The following BARD1 variants were observed in gnomAD, a reference collection of about 807,000 sequenced individuals.
BARD1 encodes the protein BRCA1-associated RING domain protein 1.
In BARD1, 73 loss-of-function variants were observed where a neutral mutation model predicts 77.0. The ratio of observed to expected loss-of-function variants is 0.95; its 90% CI spans 0.79 to 1.15. The LOEUF is 1.15. Ranked by LOEUF, BARD1 falls within the 50% of genes most tolerant of loss-of-function variation. The probability of loss-of-function intolerance (pLI) is 0.00; values close to 1 mark genes in which losing one functional copy is unlikely to be tolerated. For missense variants in BARD1, 993 were observed against 938.8 expected, an observed-to-expected ratio of 1.06 and a Z score of -0.75; for synonymous variants, 384 against 338.0, an observed-to-expected ratio of 1.14 and a Z score of -1.49.
intron 7 of BARD1, among the ~76,000 whole-genome samples, chr2:214,751,111 GTGTGTGTATATA>G (rs1193054499): frequency 0.011 from 177 of 16,832 alleles, no homozygotes; most frequent in South Asian, 0.017. Context: ...GTGTGTGTGT[GTGTGTGTATATA>G]TATATATATA....
At chr2:214,729,665 A>T (rs1237988637) in intron 10 of BARD1, among the ~76,000 whole-genome samples, 1 of 152,214 alleles carries the variant, frequency 6.6e-6, no homozygotes, top group Non-Finnish European at 1.5e-5. Context: ...TTTTTTCATC[A>T]GGATGTTTAT....
intron 9 of BARD1, among the ~76,000 whole-genome samples, chr2:214,732,404 T>G (rs1244942919): frequency 2.0e-5 from 3 of 151,958 alleles, no homozygotes; most frequent in African/African-American, 7.2e-5. Flanking sequence ...TTTCTTTTTT[T>G]TTTTTTTCTG....
intron 1 of BARD1, among the ~76,000 whole-genome samples, chr2:214,802,020 G>A (rs1553626739): frequency 1.3e-5 from 2 of 152,022 alleles, no homozygotes; most frequent in Non-Finnish European, 2.9e-5. Flanking sequence ...CACCATACCT[G>A]GCTAATTTTT....
intron 3 of BARD1, among the ~76,000 whole-genome samples, chr2:214,788,515 C>T (rs946080520): frequency 1.3e-5 from 2 of 152,010 alleles, no homozygotes; most frequent in African/African-American, 4.8e-5. Context: ...CAAGTTCTTC[C>T]TAATTGCCCA....
chr2:214,778,223 A>G (rs1163722890), intron 4 of BARD1, among the ~76,000 whole-genome samples: 1 of 134,192 alleles, frequency 7.5e-6, no homozygotes, highest in Non-Finnish European at 1.6e-5. Flanking sequence ...CCCAAAAAAG[A>G]AAAAAATATA....
chr2:214,779,285 A>T (rs1386679202), intron 4 of BARD1, among the ~76,000 whole-genome samples: 4 of 152,214 alleles, frequency 2.6e-5, no homozygotes, highest in Non-Finnish European at 5.9e-5. Context: ...TGTATTTGCA[A>T]ATAACCTACA....
In BARD1 at chr2:214,728,281, T is replaced by TAAAAAAAA; in HGVS notation, c.*387_*394dup. On this transcript the variant is annotated 3_prime_UTR_variant, in exon 11 of 11. Coordinates refer to ENST00000260947, the MANE Select transcript of BARD1 (RefSeq NM_000465.4). ...AATTGTTTGATAATATTCTGTTTAC[T>TAAAAAAAA]AAAAAAAAAAAAAAAAAAAAGGCAA... 1 of 149,032 alleles carries TAAAAAAAA rather than the reference T, an allele frequency of 6.7e-6. No homozygotes were observed. Among genetic ancestry groups the TAAAAAAAA allele is most frequent in the Non-Finnish European group, 1.3e-5 (1 of 78,718 alleles). The allele number at this position is 149,032 out of a possible 1,614,324, so 9.2% of individuals were successfully genotyped here. A position where few individuals can be genotyped will look rare whatever the true frequency, so the allele number is the denominator to read the frequency against.
In BARD1 at chr2:214,809,224, C is replaced by A. The variant is rs71579843; in HGVS notation, c.158+188G>T. 0.022 allele frequency among the ~76,000 whole-genome samples: 3,361 copies of A among 152,240 alleles called. 51 individuals carry two copies. The highest frequency in any genetic ancestry group is 0.035 in the South Asian group (171 of 4,824). On this transcript the variant is annotated intron_variant, in intron 1 of 10. Coordinates refer to ENST00000260947, the MANE Select transcript of BARD1 (RefSeq NM_000465.4). ...GGGCAAGGGGAGGCCGGTAAGTCGC[C>A]CAAAAATAAAGTGAATGAGAAGCAG... is the stretch of plus-strand genomic sequence containing the variant.
In BARD1 at chr2:214,781,033, G is replaced by A. The variant is rs200059956; in HGVS notation, c.841C>T (p.Pro281Ser). 65 of 1,611,132 alleles carry A rather than the reference G, an allele frequency of 4.0e-5. No individual in the cohort carries two copies. The highest frequency in any genetic ancestry group is 5.2e-5 in the Non-Finnish European group (61 of 1,178,854). ...GGAGACTCTATTTGCTCAGCCAATGGTAAAGAGACTTCAGTTAAACTTCCA... is the reference window on the plus strand; with the variant it reads ...GGAGACTCTATTTGCTCAGCCAATGATAAAGAGACTTCAGTTAAACTTCCA... ...CFGSLTEVSLPLAEQIESPDT... is the reference protein window; with the variant it reads ...CFGSLTEVSLSLAEQIESPDT... Residue 281 changes from proline to serine, a missense_variant, in exon 4 of 11, where the codon CCA becomes TCA. By Grantham distance (74) the Pro-to-Ser change is moderately conservative. Transcript: ENST00000260947.
chr2:214,744,017 CAATT>C (rs1304347065), intron 9 of BARD1, among the ~76,000 whole-genome samples: 2 of 152,070 alleles, frequency 1.3e-5, no homozygotes, highest in Non-Finnish European at 2.9e-5. Context: ...CTTTTGTAAA[CAATT>C]AATAAACAAA....
intron 2 of BARD1, chr2:214,796,671 G>T: frequency 4.8e-6 from 1 of 207,200 alleles, no homozygotes; most frequent in Non-Finnish European, 9.8e-6. Flanking sequence ...CCCAGTTTTT[G>T]GTTCTTTGTT....
At chr2:214,805,710 C>T (rs1194378698) in intron 1 of BARD1, among the ~76,000 whole-genome samples, 1 of 152,050 alleles carries the variant, frequency 6.6e-6, no homozygotes, top group Non-Finnish European at 1.5e-5. Context: ...CACTATGCTG[C>T]CTCAAAGTAT....
At chr2:214,753,427 TTA>T (rs1693549043) in intron 6 of BARD1, among the ~76,000 whole-genome samples, 1 of 152,324 alleles carries the variant, frequency 6.6e-6, no homozygotes, top group African/African-American at 2.4e-5. Context: ...AGCAATTCTT[TTA>T]TAGTCTTCTA....
At chr2:214,809,106 G>A (rs546617980) in intron 1 of BARD1, among the ~76,000 whole-genome samples, 1 of 152,188 alleles carries the variant, frequency 6.6e-6, no homozygotes, top group Non-Finnish European at 1.5e-5. Flanking sequence ...TCAAACTCTG[G>A]AGGCGCGACC....
chr2:214,757,585 C>T (rs1184864954), intron 6 of BARD1, among the ~76,000 whole-genome samples: 1 of 151,882 alleles, frequency 6.6e-6, no homozygotes. Flanking sequence ...TAGCAATAAT[C>T]GTTTATTTAT....
In BARD1 at chr2:214,732,729, T is replaced by C. The variant is rs576996952; in HGVS notation, c.1904-2221A>G. Among the ~76,000 whole-genome samples, 8 of 152,310 alleles carry C rather than the reference T, an allele frequency of 5.3e-5. No homozygotes were observed. The South Asian group carries it at 6.2e-4, about 12-fold the overall frequency. On this transcript the variant is annotated intron_variant, in intron 9 of 10. Coordinates refer to ENST00000260947, the MANE Select transcript of BARD1 (RefSeq NM_000465.4). The stretch of plus-strand genomic sequence containing the variant: ...TGATTATCTTGAGAGCAAAAACTTA[T>C]ACTGGAGAAGAAAAAGAAATGCAAT...
intron 4 of BARD1, among the ~76,000 whole-genome samples, chr2:214,772,099 C>G (rs1415340525): frequency 6.6e-6 from 1 of 151,842 alleles, no homozygotes; most frequent in Non-Finnish European, 1.5e-5. Flanking sequence ...CAGCAGTATG[C>G]TACTGCTAGG....
intron 7 of BARD1, among the ~76,000 whole-genome samples, chr2:214,750,246 A>G (rs892756911): frequency 2.0e-5 from 3 of 152,042 alleles, no homozygotes; most frequent in Admixed American, 1.3e-4. Flanking sequence ...GGTCTCCACT[A>G]CTGCAGCCTC....
At chr2:214,773,857 G>A (rs539385910) in intron 4 of BARD1, among the ~76,000 whole-genome samples, 29 of 152,132 alleles carry the variant, frequency 1.9e-4, no homozygotes, top group Admixed American at 9.8e-4. Context: ...AGCATGTGAC[G>A]CTGTTTGGTA....
Sources: allele counts gnomAD v4.1 joint callset (sites outside exome capture counted in the v4.1 genomes callset), GRCh38; gene constraint gnomAD v4.1.1; transcripts MANE v1.5; gene names NCBI Gene and HGNC (gene_info 2026-07-23, HGNC 2026-07-21).